The following WASHC5 variants were observed in gnomAD, a reference collection of about 807,000 sequenced individuals.
WASHC5 encodes WASH complex subunit 5.
WASHC5 carries 101 observed loss-of-function variants against 150.4 expected under a neutral mutation model. The observed-to-expected ratio is 0.67, with a 90% CI of 0.57 to 0.79. WASHC5 has a LOEUF of 0.79. Among genes scored for constraint, WASHC5 ranks in the 30% least tolerant of loss-of-function variants. The probability of loss-of-function intolerance (pLI) is 0.00; values close to 1 mark genes in which losing one functional copy is unlikely to be tolerated. For missense variants in WASHC5, 1,195 were observed against 1,396.3 expected (o/e 0.86, Z 2.30); for synonymous variants, 467 against 491.2 (o/e 0.95, Z 0.65).
intron 6 of WASHC5, among the ~76,000 whole-genome samples, chr8:125,078,422 C>T (rs190654605): frequency 8.5e-5 from 13 of 152,304 alleles, no homozygotes; most frequent in African/African-American, 2.9e-4. Context: ...CTGTCTTCTT[C>T]GGTGATGGGT....
intron 12 of WASHC5, 61 bp from the exon 13 acceptor site, chr8:125,059,603 T>C: frequency 7.6e-7 from 1 of 1,308,406 alleles, no homozygotes; most frequent in Non-Finnish European, 1.1e-6. Context: ...TGCTCATTTG[T>C]TCTTGAAAAC....
At chr8:125,045,156 G>A (rs748540688) in intron 20 of WASHC5, among the ~76,000 whole-genome samples, 3 of 152,138 alleles carry the variant, frequency 2.0e-5, no homozygotes, top group Admixed American at 6.5e-5. Flanking sequence ...AGACTATGAC[G>A]ACAAAGCAAT....
At chr8:125,027,588 A>C (rs748879287) in intron 28 of WASHC5, among the ~76,000 whole-genome samples, 12 of 152,208 alleles carry the variant, frequency 7.9e-5, no homozygotes, top group Non-Finnish European at 1.3e-4. Context: ...AAGGCATAAG[A>C]ATTATACAAT....
chr8:125,084,937 C>G (rs76373018), intron 1 of WASHC5, among the ~76,000 whole-genome samples: 4,106 of 152,220 alleles, frequency 0.027, 201 homozygotes, highest in African/African-American at 0.095. Context: ...GATGTGAAGC[C>G]AGGATCATTA....
intron 17 of WASHC5, among the ~76,000 whole-genome samples, chr8:125,053,083 G>T (rs1176777257): frequency 6.7e-6 from 1 of 149,360 alleles, no homozygotes; most frequent in Non-Finnish European, 1.5e-5. Context: ...ATCATTTTAA[G>T]TTTGAGACGA....
rs752712933 is a variant in WASHC5 at position 125,038,830 on chromosome 8, C to T, written c.3084G>A (p.Lys1028=). 6.2e-7 allele frequency: 1 copy of T among 1,613,846 alleles called. No homozygotes were observed. The highest frequency in any genetic ancestry group is 1.1e-5 in the South Asian group (1 of 91,078). Residue 1028 remains lysine (K), a splice_region_variant and synonymous_variant, in exon 25 of 29, where the codon AAG becomes AAA. Coordinates refer to ENST00000318410, the MANE Select transcript of WASHC5 (RefSeq NM_014846.4). ...EAAGIHNPLN[K]IYITTKRLPY... is the part of the protein sequence containing the mutation. The stretch of plus-strand genomic sequence containing the variant: ...GCCATTATATATTTTAATTACTCAC[C>T]TTATTCAGTGGGTTGTGAATGCCAG...
intron 26 of WASHC5, among the ~76,000 whole-genome samples, chr8:125,034,271 G>A (rs1236733187): frequency 6.6e-6 from 1 of 152,134 alleles, no homozygotes; most frequent in African/African-American, 2.4e-5. Flanking sequence ...AGGCCAAGGT[G>A]GGTGGAACAC....
intron 4 of WASHC5, 38 bp downstream of exon 4, chr8:125,082,344 TA>T (rs1287044520): frequency 8.1e-6 from 9 of 1,106,286 alleles, no homozygotes; most frequent in Non-Finnish European, 1.2e-5. Flanking sequence ...CTATGTTTGA[TA>T]TTCTTGAATT....
chr8:125,035,262 T>C (rs1046765068), intron 26 of WASHC5, among the ~76,000 whole-genome samples: 1 of 152,208 alleles, frequency 6.6e-6, no homozygotes, highest in Non-Finnish European at 1.5e-5. Flanking sequence ...TTTTAAGATC[T>C]GGGAATTCCA....
At chr8:125,058,951 T>C (rs1196122381) in intron 14 of WASHC5, among the ~76,000 whole-genome samples, 2 of 152,166 alleles carry the variant, frequency 1.3e-5, no homozygotes, top group African/African-American at 2.4e-5. Flanking sequence ...ACATTTTTAG[T>C]ACACAGATAA....
chr8:125,072,803 C>T (rs906987517), intron 9 of WASHC5, among the ~76,000 whole-genome samples: 1 of 152,276 alleles, frequency 6.6e-6, no homozygotes, highest in East Asian at 1.9e-4. Context: ...AGGGCATGAA[C>T]ATCTCTGGGT....
Position 125,061,072 on chromosome 8 carries a change from G to T in WASHC5, c.1521+10C>A. ...ATCCAAGAACCTGCATTTAAAAAGC[G>T]TTTCCTTACCTCTTCCAAAGCTTGT... On this transcript the variant is annotated intron_variant, in intron 12 of 28. Coordinates refer to ENST00000318410, the MANE Select transcript of WASHC5 (RefSeq NM_014846.4). The T allele has an allele frequency of 6.6e-7, 1 of 1,515,458 alleles. No individual in the cohort carries two copies. Among genetic ancestry groups the T allele is most frequent in the Non-Finnish European group, 9.2e-7 (1 of 1,090,674 alleles). 93.9% of individuals were successfully genotyped at this position (1,515,458 alleles called of 1,614,324 possible).
At chr8:125,025,479 G>C (rs369891038) in intron 28 of WASHC5, among the ~76,000 whole-genome samples, 9 of 152,176 alleles carry the variant, frequency 5.9e-5, no homozygotes, top group African/African-American at 1.9e-4. Flanking sequence ...CATGAGGTCA[G>C]GAGTTCAAGA....
chr8:125,042,021 T>C (rs1318428386), intron 23 of WASHC5, among the ~76,000 whole-genome samples: 1 of 152,150 alleles, frequency 6.6e-6, no homozygotes, highest in Non-Finnish European at 1.5e-5. Context: ...GAACTGGAAA[T>C]AGAAATAAAG....
At chr8:125,053,686 T>C (rs1816315916) in intron 17 of WASHC5, among the ~76,000 whole-genome samples, 1 of 152,166 alleles carries the variant, frequency 6.6e-6, no homozygotes. Context: ...ATTTCCTCTA[T>C]TTTCTTTGAT....
chr8:125,077,480 TG>T (rs1277833874), intron 6 of WASHC5, among the ~76,000 whole-genome samples: 1 of 152,072 alleles, frequency 6.6e-6, no homozygotes, highest in African/African-American at 2.4e-5. Context: ...TGACCAGGGA[TG>T]GGGGAGGTGC....
At chr8:125,065,754 A>C (rs1368115797) in intron 10 of WASHC5, among the ~76,000 whole-genome samples, 1 of 151,778 alleles carries the variant, frequency 6.6e-6, no homozygotes, top group Non-Finnish European at 1.5e-5. Context: ...AGAGCTTGGA[A>C]TACAGGCACG....
chr8:125,056,949 C>T, intron 15 of WASHC5, 132 bp from the exon 16 acceptor site: 1 of 986,182 alleles, frequency 1.0e-6, no homozygotes, highest in Non-Finnish European at 1.6e-6. Flanking sequence ...TTAATAACTG[C>T]TGGCAGGCAC....
chr8:125,050,467 A>C (rs774776056), intron 18 of WASHC5, 97 bp downstream of exon 18: 1 of 757,222 alleles, frequency 1.3e-6, no homozygotes. Context: ...GTTAGCTAGG[A>C]GGTAAGGTCT....
Sources: allele counts gnomAD v4.1 joint callset (sites outside exome capture counted in the v4.1 genomes callset), GRCh38; gene constraint gnomAD v4.1.1; transcripts MANE v1.5; gene names NCBI Gene and HGNC (gene_info 2026-07-23, HGNC 2026-07-21).